Variants in MMP26 observed in about 807,000 individuals in gnomAD.
MMP26 encodes the protein matrix metallopeptidase 26.
MMP26 carries 33 observed loss-of-function variants against 31.0 expected under a neutral mutation model. That is an observed-to-expected ratio of 1.06 (90% CI 0.81 to 1.42). The LOEUF (loss-of-function observed/expected upper bound fraction) is 1.42. Among genes scored for constraint, MMP26 ranks in the 40% most tolerant of loss-of-function variants. The probability of loss-of-function intolerance (pLI) is 0.00; values close to 1 mark genes in which losing one functional copy is unlikely to be tolerated. For missense variants in MMP26, 347 were observed against 316.1 expected, an observed-to-expected ratio of 1.10 and a Z score of -0.74; for synonymous variants, 122 against 114.9, an observed-to-expected ratio of 1.06 and a Z score of -0.40.
intron 2 of MMP26, among the ~76,000 whole-genome samples, chr11:4,921,823 A>T (rs1851188853): frequency 6.6e-6 from 1 of 152,326 alleles, no homozygotes; most frequent in East Asian, 1.9e-4. Context: ...ATTAATTTTT[A>T]AAAAGTTTTA....
At chr11:4,907,827 T>C in intron 2 of MMP26, 1 of 1,613,884 alleles carries the variant, frequency 6.2e-7, no homozygotes, top group East Asian at 2.2e-5. Flanking sequence ...ATTAGGAGCA[T>C]TCTCTTAGTG....
At position 4,915,491 on chromosome 11, in the gene MMP26, C is replaced by T. The variant is rs60718970; in HGVS notation, c.-144-72577C>T. ...GAGATACATAGGTTCATGAAGTGAG[C>T]GCTCTGTTTTAATGATAAAAAGAAT... On this transcript the variant is annotated intron_variant, in intron 2 of 7. Coordinates refer to ENST00000380390, the MANE Select transcript of MMP26 (RefSeq NM_021801.5). The T allele has an allele frequency of 2.2e-3, 3,502 of 1,613,992 alleles. 65 individuals are homozygous for T. The African/African-American group carries it at 0.041, about 19-fold the overall frequency.
intron 2 of MMP26, among the ~76,000 whole-genome samples, chr11:4,851,850 A>G (rs1849980114): frequency 6.6e-6 from 1 of 152,156 alleles, no homozygotes; most frequent in Admixed American, 6.5e-5. Context: ...CACCAAAAAC[A>G]TTTAAACAAA....
At chr11:4,829,480 C>G (rs1204100248) in intron 2 of MMP26, among the ~76,000 whole-genome samples, 1 of 152,156 alleles carries the variant, frequency 6.6e-6, no homozygotes, top group Non-Finnish European at 1.5e-5. Flanking sequence ...TCATATGCCC[C>G]TGCACAACTT....
chr11:4,923,288 A>G, intron 2 of MMP26: 2 of 1,384,676 alleles, frequency 1.4e-6, no homozygotes, highest in Non-Finnish European at 2.0e-6. Context: ...TTGACAGTCA[A>G]CGGTTTATTA....
chr11:4,729,938 G>A (rs1300665918), intron 1 of MMP26, among the ~76,000 whole-genome samples: 1 of 151,978 alleles, frequency 6.6e-6, no homozygotes, highest in Non-Finnish European at 1.5e-5. Flanking sequence ...AGTGAGGAAA[G>A]GGAAAATAAC....
At chr11:4,834,038 G>A (rs1462880260) in intron 2 of MMP26, among the ~76,000 whole-genome samples, 2 of 152,100 alleles carry the variant, frequency 1.3e-5, no homozygotes, top group East Asian at 3.9e-4. Context: ...AAAAAAAATA[G>A]TCTAAAGAAA....
intron 1 of MMP26, among the ~76,000 whole-genome samples, chr11:4,740,541 G>A (rs948285444): frequency 6.6e-6 from 1 of 151,964 alleles, no homozygotes; most frequent in Non-Finnish European, 1.5e-5. Flanking sequence ...AAATTAGCTG[G>A]GCATGAGGGT....
intron 2 of MMP26, among the ~76,000 whole-genome samples, chr11:4,782,777 C>T (rs1401935246): frequency 6.6e-6 from 1 of 152,166 alleles, no homozygotes; most frequent in African/African-American, 2.4e-5. Context: ...GACTTGGTGC[C>T]CTGCATCCCA....
rs576976516 is a variant in MMP26 at position 4,762,568 on chromosome 11, C to T, written c.-216-4702C>T. The stretch of plus-strand genomic sequence containing the variant: ...GATTACTTATTGGGACCAGTGAGAA[C>T]GTGCTATTTAGAAAATAAGCTGTAA... On this transcript the variant is annotated intron_variant, in intron 1 of 7. Coordinates refer to ENST00000380390, the MANE Select transcript of MMP26 (RefSeq NM_021801.5). 3.9e-5 allele frequency among the ~76,000 whole-genome samples: 6 copies of T among 152,164 alleles called. No individual in the cohort carries two copies. The South Asian group carries it at 1.0e-3, about 26-fold the overall frequency.
At chr11:4,956,770 C>G (rs1846449882) in intron 2 of MMP26, among the ~76,000 whole-genome samples, 1 of 152,122 alleles carries the variant, frequency 6.6e-6, no homozygotes, top group Admixed American at 6.5e-5. Context: ...TCTCCCTTAC[C>G]AAATCTTCCT....
chr11:4,782,642 G>C (rs1032356052), intron 2 of MMP26, among the ~76,000 whole-genome samples: 5 of 110,584 alleles, frequency 4.5e-5, no homozygotes, highest in Non-Finnish European at 9.7e-5. Flanking sequence ...CCAAGACAAC[G>C]GGGAAAATGT....
intron 2 of MMP26, chr11:4,769,120 A>G: frequency 2.5e-6 from 4 of 1,607,372 alleles, no homozygotes; most frequent in Non-Finnish European, 3.4e-6. Flanking sequence ...CTGACCGACC[A>G]TAGCGATACA....
chr11:4,917,226 A>G (rs768520430), intron 2 of MMP26, among the ~76,000 whole-genome samples: 22 of 152,324 alleles, frequency 1.4e-4, no homozygotes, highest in Non-Finnish European at 2.5e-4. Flanking sequence ...CTCCTTAAAA[A>G]GCCTATGAAT....
chr11:4,946,625 A>G (rs1270423411), intron 2 of MMP26: 1 of 1,575,058 alleles, frequency 6.3e-7, no homozygotes, highest in Admixed American at 1.7e-5. Flanking sequence ...AGGGAAGGGA[A>G]GAACCAGGAG....
chr11:4,789,868 A>G (rs1203805438), intron 2 of MMP26, among the ~76,000 whole-genome samples: 5 of 152,068 alleles, frequency 3.3e-5, no homozygotes, highest in Non-Finnish European at 7.4e-5. Flanking sequence ...CACACAGAAT[A>G]TGTTTACTTG....
chr11:4,766,063 G>A (rs1226927194), intron 1 of MMP26, among the ~76,000 whole-genome samples: 1 of 152,142 alleles, frequency 6.6e-6, no homozygotes, highest in African/African-American at 2.4e-5. Context: ...TGCTAATATA[G>A]TCTTCTATTC....
chr11:4,898,789 GT>G (rs1213211129), intron 2 of MMP26, among the ~76,000 whole-genome samples: 10 of 150,296 alleles, frequency 6.7e-5, no homozygotes, highest in Non-Finnish European at 1.2e-4. Flanking sequence ...TTAAATTAGA[GT>G]TTATTAGAAA....
At chr11:4,765,967 G>A (rs1848623395) in intron 1 of MMP26, among the ~76,000 whole-genome samples, 2 of 152,120 alleles carry the variant, frequency 1.3e-5, no homozygotes, top group South Asian at 2.1e-4. Flanking sequence ...TTGTCACTCA[G>A]TAGTAAATTA....
Sources: allele counts gnomAD v4.1 joint callset (sites outside exome capture counted in the v4.1 genomes callset), GRCh38; gene constraint gnomAD v4.1.1; transcripts MANE v1.5; gene names NCBI Gene and HGNC (gene_info 2026-07-23, HGNC 2026-07-21).